PHTF2: variants seen among roughly 807,000 people sequenced by gnomAD.
PHTF2 encodes the protein putative homeodomain transcription factor 2.
In PHTF2, 60 loss-of-function variants were observed where a neutral mutation model predicts 101.2. The ratio of observed to expected loss-of-function variants is 0.59; its 90% confidence interval spans 0.48 to 0.73. The LOEUF is 0.73. PHTF2 is among the 30% of genes least tolerant of loss of function. PHTF2 has a pLI of 0.00. For missense variants in PHTF2, 747 were observed against 908.7 expected (o/e 0.82, Z 2.29); for synonymous variants, 311 against 307.3 (o/e 1.01, Z -0.13).
At chr7:77,948,490 A>G (rs1303810857) in intron 16 of PHTF2, among the ~76,000 whole-genome samples, 1 of 152,186 alleles carries the variant, frequency 6.6e-6, no homozygotes, top group Admixed American at 6.5e-5. Context: ...TGTCCTGCAA[A>G]GACACCATAA....
At chr7:77,848,046 T>C (rs1796446848) in intron 2 of PHTF2, among the ~76,000 whole-genome samples, 1 of 152,222 alleles carries the variant, frequency 6.6e-6, no homozygotes, top group Middle Eastern at 3.2e-3. Context: ...GATCTCATTC[T>C]TTCTTACGAC....
intron 12 of PHTF2, among the ~76,000 whole-genome samples, chr7:77,932,977 G>T (rs2428939): frequency 6.6e-6 from 1 of 151,906 alleles, no homozygotes; most frequent in African/African-American, 2.4e-5. Flanking sequence ...TAGTTGCCAC[G>T]CCTGTAATCC....
At chr7:77,889,189 G>C (rs1395985969) in intron 3 of PHTF2, among the ~76,000 whole-genome samples, 1 of 152,138 alleles carries the variant, frequency 6.6e-6, no homozygotes, top group Non-Finnish European at 1.5e-5. Context: ...GTAGAATTAT[G>C]TTTCATTCAG....
chr7:77,912,218 C>G (rs1314869240), intron 9 of PHTF2, among the ~76,000 whole-genome samples: 1 of 152,210 alleles, frequency 6.6e-6, no homozygotes, highest in Non-Finnish European at 1.5e-5. Context: ...GGCGAACTCA[C>G]TCTGGATTTA....
chr7:77,949,907 C>G (rs898329721), intron 17 of PHTF2, 74 bp downstream of exon 16: 2 of 817,958 alleles, frequency 2.4e-6, no homozygotes, highest in Non-Finnish European at 3.6e-6. Context: ...TTATGTTTTT[C>G]AAGAATGTGT....
chr7:77,942,932 A>G, intron 16 of PHTF2, 146 bp downstream of exon 15: 1 of 512,070 alleles, frequency 2.0e-6, no homozygotes, highest in South Asian at 3.3e-5. Context: ...GGTAGAATAA[A>G]TAAGTGCATC....
intron 1 of PHTF2, among the ~76,000 whole-genome samples, chr7:77,824,284 G>A (rs1403903608): frequency 6.6e-6 from 1 of 150,988 alleles, no homozygotes; most frequent in Non-Finnish European, 1.5e-5. Flanking sequence ...CTTGGAGGTA[G>A]TTGTAACAAA....
chr7:77,917,463 C>G (rs1408872854), intron 9 of PHTF2, among the ~76,000 whole-genome samples: 3 of 152,186 alleles, frequency 2.0e-5, no homozygotes, highest in South Asian at 2.1e-4. Context: ...ACATTTATTT[C>G]TATAGCTATC....
chr7:77,930,035 C>T (rs1026318062), intron 12 of PHTF2, among the ~76,000 whole-genome samples: 15 of 148,062 alleles, frequency 1.0e-4, no homozygotes, highest in Non-Finnish European at 1.8e-4. Context: ...CTCACTGCAA[C>T]CTTCGCCTCC....
intron 1 of PHTF2, among the ~76,000 whole-genome samples, chr7:77,803,727 A>C (rs1403932747): frequency 7.6e-6 from 1 of 131,496 alleles, no homozygotes; most frequent in Middle Eastern, 3.8e-3. Context: ...GTGTGTGTGT[A>C]GGTTTTAAAA....
chr7:77,800,517 A>G (rs558515733), intron 1 of PHTF2, among the ~76,000 whole-genome samples: 30 of 152,334 alleles, frequency 2.0e-4, no homozygotes, highest in African/African-American at 6.7e-4. Context: ...ATAGTATACA[A>G]TGGGGGCACT....
intron 3 of PHTF2, among the ~76,000 whole-genome samples, chr7:77,862,836 TA>T (rs1374726904): frequency 6.6e-6 from 1 of 152,206 alleles, no homozygotes; most frequent in Non-Finnish European, 1.5e-5. Flanking sequence ...GTTGGCAGCC[TA>T]AAATTAGGCA....
At chr7:77,951,711 A>G (rs1259895255) in exon 18 of PHTF2, 7 of 1,267,230 alleles carry the variant, frequency 5.5e-6, no homozygotes, top group African/African-American at 1.5e-5. Context: ...AAACTGCTAA[A>G]GGTAAGAATA....
At chr7:77,922,944 C>A in intron 11 of PHTF2, 166 bp downstream of exon 10, 1 of 1,351,886 alleles carries the variant, frequency 7.4e-7, no homozygotes, top group Non-Finnish European at 9.5e-7. Flanking sequence ...TTTAGGTTTA[C>A]GTATTGCACA....
At chr7:77,825,944 A>G (rs1405497605) in intron 1 of PHTF2, among the ~76,000 whole-genome samples, 2 of 152,248 alleles carry the variant, frequency 1.3e-5, no homozygotes, top group Non-Finnish European at 2.9e-5. Flanking sequence ...ATGGAACAGA[A>G]AAAGTATTGA....
chr7:77,944,000 T>C (rs1805845415), intron 16 of PHTF2, among the ~76,000 whole-genome samples: 2 of 151,608 alleles, frequency 1.3e-5, no homozygotes, highest in South Asian at 4.2e-4. Context: ...AGACTCTGTC[T>C]CCAAAAACAA....
intron 3 of PHTF2, among the ~76,000 whole-genome samples, chr7:77,871,303 G>A (rs1251708255): frequency 1.3e-5 from 2 of 152,204 alleles, no homozygotes; most frequent in East Asian, 1.9e-4. Context: ...CCTTACCTCC[G>A]TTGTGGAGTA....
rs535145356 is a variant in PHTF2, at chr7:77,825,892, A to G, written c.-35-14329A>G. On this transcript the variant is annotated intron_variant, in intron 1 of 19. Coordinates refer to ENST00000416283, the Ensembl canonical transcript of PHTF2. ...GAAGTAACTCTGAAAAGACTGTCCT[A>G]GGTAAGAATAGCTGATATCCCTAAA... 3.3e-5 allele frequency among the ~76,000 whole-genome samples: 5 copies of G among 152,316 alleles called. No homozygotes were observed. In the South Asian group the frequency reaches 6.2e-4, roughly 19 times the overall value.
exon 13 of PHTF2, chr7:77,937,719 C>A: frequency 7.5e-7 from 1 of 1,330,946 alleles, no homozygotes; most frequent in Non-Finnish European, 1.0e-6. Flanking sequence ...GAGTCATTTG[C>A]CCTGGCTCCA....
Sources: gnomAD v4.1 joint callset for allele counts (sites outside exome capture counted in the v4.1 genomes callset) on GRCh38, gnomAD v4.1.1 for gene constraint, MANE v1.5 for transcripts, NCBI Gene and HGNC (gene_info 2026-07-23, HGNC 2026-07-21) for gene names.